Variants in REPS1 observed in about 807,000 individuals in gnomAD.
The protein encoded by REPS1 is ralBP1-associated Eps domain-containing protein 1.
Under a neutral mutation model 100.9 loss-of-function variants are expected in REPS1, and 39 were observed. The observed-to-expected ratio is 0.39, with a 90% confidence interval of 0.30 to 0.50. The LOEUF (loss-of-function observed/expected upper bound fraction) is 0.50, where lower values mean the gene tolerates loss of function less well. REPS1 is among the 20% of genes least tolerant of loss of function. REPS1 has a pLI of 0.86. For synonymous variants in REPS1, 324 were observed against 340.3 expected (o/e 0.95, Z 0.53); for missense variants, 821 against 968.5 (o/e 0.85, Z 2.02).
intron 13 of REPS1, 183 bp from the exon 14 acceptor site, chr6:138,916,159 A>T: frequency 2.1e-6 from 1 of 475,146 alleles, no homozygotes; most frequent in Non-Finnish European, 3.8e-6. Flanking sequence ...TAAACAACTG[A>T]TTATTTTATG....
intron 1 of REPS1, among the ~76,000 whole-genome samples, chr6:138,955,457 A>ATGTGTGT (rs10689184): frequency 1.1e-5 from 1 of 90,720 alleles, no homozygotes; most frequent in Admixed American, 1.1e-4. Context: ...AAAAAAAAAA[A>ATGTGTGT]GTGTGTGTGT....
intron 12 of REPS1, among the ~76,000 whole-genome samples, chr6:138,919,999 T>C (rs1003787253): frequency 1.3e-5 from 2 of 152,130 alleles, no homozygotes; most frequent in African/African-American, 4.8e-5. Context: ...AGATCAAACC[T>C]GGCTACACAG....
At chr6:138,960,374 TTATTGA>T (rs1415397032) in intron 1 of REPS1, among the ~76,000 whole-genome samples, 1 of 152,156 alleles carries the variant, frequency 6.6e-6, no homozygotes, top group African/African-American at 2.4e-5. Flanking sequence ...TGGGTTATAT[TTATTGA>T]TATTACCATA....
intron 1 of REPS1, among the ~76,000 whole-genome samples, chr6:138,977,505 T>C (rs1784661875): frequency 6.6e-6 from 1 of 152,216 alleles, no homozygotes; most frequent in African/African-American, 2.4e-5. Context: ...TTAGCTAATA[T>C]TATTTATTAA....
At chr6:138,972,553 G>C (rs1465124156) in intron 1 of REPS1, among the ~76,000 whole-genome samples, 1 of 151,974 alleles carries the variant, frequency 6.6e-6, no homozygotes, top group Non-Finnish European at 1.5e-5. Flanking sequence ...CCACTGACCT[G>C]TTTTCTTATT....
chr6:138,980,690 G>GT (rs1784899050), intron 1 of REPS1, among the ~76,000 whole-genome samples: 1 of 123,728 alleles, frequency 8.1e-6, no homozygotes, highest in Admixed American at 8.1e-5. Context: ...TGGGGCGGGG[G>GT]GGGGGGGGAA....
intron 8 of REPS1, among the ~76,000 whole-genome samples, chr6:138,938,665 T>C (rs1215461036): frequency 6.6e-6 from 1 of 151,984 alleles, no homozygotes. Context: ...TTTAGTGTGG[T>C]ATGTTTCAGT....
chr6:138,987,089 A>C (rs1785306412), intron 1 of REPS1, among the ~76,000 whole-genome samples: 1 of 152,220 alleles, frequency 6.6e-6, no homozygotes, highest in East Asian at 1.9e-4. Flanking sequence ...CTAAATCTAT[A>C]GAACTCACTT....
intron 10 of REPS1, among the ~76,000 whole-genome samples, chr6:138,924,634 T>C (rs2128449704): frequency 6.6e-6 from 1 of 152,318 alleles, no homozygotes; most frequent in East Asian, 1.9e-4. Flanking sequence ...TCCCATATAC[T>C]TTCATTAAGT....
At chr6:138,916,218 CTTTT>C (rs10582137) in intron 13 of REPS1, 12,784 of 205,004 alleles carry the variant, frequency 0.062, 493 homozygotes, top group African/African-American at 0.22. Context: ...TTCTTTTTTT[CTTTT>C]TTTTTTTTTT....
At chr6:138,952,584 G>C (rs1783106686) in intron 1 of REPS1, among the ~76,000 whole-genome samples, 2 of 151,780 alleles carry the variant, frequency 1.3e-5, no homozygotes, top group African/African-American at 2.4e-5. Flanking sequence ...ATTTTTAGTA[G>C]AGATGGAGTT....
At chr6:138,985,954 T>G (rs2128519307) in intron 1 of REPS1, among the ~76,000 whole-genome samples, 1 of 152,364 alleles carries the variant, frequency 6.6e-6, no homozygotes. Flanking sequence ...GATCCTAACT[T>G]GAAGGTATAC....
At position 138,905,988 on chromosome 6, in the gene REPS1, T is replaced by C. The variant is rs369285658; in HGVS notation, c.2323-856A>G. Among the ~76,000 whole-genome samples, 3 of 152,352 alleles carry C rather than the reference T, an allele frequency of 2.0e-5. 1 individual carries two copies. ...TGTGTTTTAACCAGAACTACCTCTA[T>C]TTTGTACCTTACTTCCCATTTTCTG... On this transcript the variant is annotated intron_variant, in intron 19 of 19. Coordinates refer to ENST00000450536, the MANE Select transcript of REPS1 (RefSeq NM_001286611.2).
chr6:138,909,335 A>G (rs973271703), intron 17 of REPS1, among the ~76,000 whole-genome samples: 6 of 152,248 alleles, frequency 3.9e-5, no homozygotes, highest in Non-Finnish European at 8.8e-5. Flanking sequence ...GTGATTATGA[A>G]TCTGCCCTTG....
At position 138,904,158 on chromosome 6, in the gene REPS1, A is replaced by G. The variant is rs879504177; in HGVS notation, c.*906T>C. ...CTGTTAGCAATGGATCGAAATGTAT[A>G]TATCATTTAATATTAAACAAAATCT... is the stretch of plus-strand genomic sequence containing the variant. On this transcript the variant is annotated 3_prime_UTR_variant, in exon 20 of 20. Coordinates refer to ENST00000450536, the MANE Select transcript of REPS1 (RefSeq NM_001286611.2). 2.0e-5 allele frequency: 3 copies of G among 152,206 alleles called. No individual in the cohort carries two copies. The highest frequency in any genetic ancestry group is 3.8e-4 in the East Asian group (2 of 5,206). 9.4% of individuals were successfully genotyped at this position (152,206 alleles called of 1,614,324 possible).
chr6:138,966,605 T>C (rs553836665), intron 1 of REPS1, among the ~76,000 whole-genome samples: 1 of 152,210 alleles, frequency 6.6e-6, no homozygotes, highest in South Asian at 2.1e-4. Context: ...TTGAAACCCA[T>C]GCTCTTTGTC....
chr6:138,942,127 G>C (rs1332454628), intron 7 of REPS1, among the ~76,000 whole-genome samples: 2 of 152,120 alleles, frequency 1.3e-5, no homozygotes, highest in Non-Finnish European at 2.9e-5. Context: ...TTACAAGCGT[G>C]AGCCACCGCA....
chr6:138,947,928 A>T lies in REPS1; in HGVS notation c.154-15T>A, dbSNP rs756130958. ...AGCTCCATGATCTATAAAATAACAT[A>T]ATGTTAACATTAAGATTCACAACAA... On this transcript the variant is annotated splice_polypyrimidine_tract_variant and intron_variant, in intron 1 of 19. Transcript: ENST00000450536. The T allele has an allele frequency of 6.4e-7, 1 of 1,570,224 alleles. No homozygotes were observed. Among genetic ancestry groups the T allele is most frequent in the Non-Finnish European group, 8.6e-7 (1 of 1,164,560 alleles).
intron 13 of REPS1, 107 bp from the exon 14 acceptor site, chr6:138,916,083 A>G (rs1780357891): frequency 2.4e-6 from 2 of 829,614 alleles, no homozygotes; most frequent in Non-Finnish European, 2.1e-6. Context: ...TTAGCATGAC[A>G]TTTTCTCAAC....
Sources: gnomAD v4.1 joint callset for allele counts (sites outside exome capture counted in the v4.1 genomes callset) on GRCh38, gnomAD v4.1.1 for gene constraint, MANE v1.5 for transcripts, NCBI Gene and HGNC (gene_info 2026-07-23, HGNC 2026-07-21) for gene names.